Variants in PDE7A observed in about 807,000 individuals in gnomAD.
PDE7A encodes the protein high affinity 3',5'-cyclic-AMP phosphodiesterase 7A.
A neutral mutation model predicts 64.3 loss-of-function variants in PDE7A; 39 were observed. The observed-to-expected ratio is 0.61, with a 90% CI of 0.47 to 0.79. PDE7A has a LOEUF of 0.79. Among genes scored for constraint, PDE7A ranks in the 30% least tolerant of loss-of-function variants. The pLI is 0.00. For missense variants in PDE7A, 470 were observed against 582.8 expected, an observed-to-expected ratio of 0.81 and a Z score of 1.99; for synonymous variants, 203 against 206.8, an observed-to-expected ratio of 0.98 and a Z score of 0.16.
chr8:65,756,510 C>A (rs887175667), intron 3 of PDE7A, among the ~76,000 whole-genome samples: 1 of 152,048 alleles, frequency 6.6e-6, no homozygotes, highest in African/African-American at 2.4e-5. Flanking sequence ...TCCTTACTTC[C>A]CCCTGCTCAA....
intron 1 of PDE7A, among the ~76,000 whole-genome samples, chr8:65,825,065 G>A (rs552499215): frequency 1.3e-4 from 20 of 151,816 alleles, no homozygotes; most frequent in African/African-American, 4.8e-4. Flanking sequence ...AATTACATTA[G>A]GAAATGATTT....
intron 4 of PDE7A, among the ~76,000 whole-genome samples, chr8:65,745,793 T>C (rs1007850080): frequency 3.9e-5 from 6 of 152,232 alleles, no homozygotes; most frequent in African/African-American, 1.4e-4. Context: ...GTGGTTCAAA[T>C]GTTGTATGGT....
rs1192261537 is a variant in PDE7A, at chr8:65,715,476, C to CA, written c.*3813dup. On this transcript the variant is annotated 3_prime_UTR_variant, in exon 13 of 13. Coordinates refer to ENST00000401827, the MANE Select transcript of PDE7A (RefSeq NM_001242318.3). ...CCTTGCAACCTCCGCCACCTGGGTT[C>CA]AAGCAATTCTTCCGCCTCAGCCTCC... Among the ~76,000 whole-genome samples, 2 of 151,354 alleles carry CA rather than the reference C, an allele frequency of 1.3e-5. No individual in the cohort carries two copies. Among genetic ancestry groups the CA allele is most frequent in the Non-Finnish European group, 2.9e-5 (2 of 67,870 alleles).
chr8:65,735,201 C>T (rs754909799), intron 6 of PDE7A, among the ~76,000 whole-genome samples: 10 of 152,288 alleles, frequency 6.6e-5, no homozygotes, highest in African/African-American at 9.6e-5. Flanking sequence ...CAAAGGAAAG[C>T]GAGCCTACCT....
At chr8:65,803,995 T>C (rs1387346986) in intron 1 of PDE7A, among the ~76,000 whole-genome samples, 1 of 152,166 alleles carries the variant, frequency 6.6e-6, no homozygotes, top group Non-Finnish European at 1.5e-5. Flanking sequence ...CATCATTCAG[T>C]ATACCAACAT....
chr8:65,831,414 T>C (rs574765696), intron 1 of PDE7A, among the ~76,000 whole-genome samples: 2 of 152,268 alleles, frequency 1.3e-5, no homozygotes, highest in East Asian at 1.9e-4. Context: ...ACTAAAACAG[T>C]AGGAATACTT....
At chr8:65,776,904 A>G (rs1809275043) in intron 3 of PDE7A, among the ~76,000 whole-genome samples, 1 of 152,220 alleles carries the variant, frequency 6.6e-6, no homozygotes, top group African/African-American at 2.4e-5. Context: ...AATAGGAAAG[A>G]TGATGAAAGA....
chr8:65,798,206 A>ATATATATATATATATATATAT, intron 1 of PDE7A, among the ~76,000 whole-genome samples: 3 of 73,812 alleles, frequency 4.1e-5, no homozygotes, highest in African/African-American at 1.2e-4. Context: ...ATATATATAT[A>ATATATATATATATATATATAT]TTTTTTTTTT....
rs966078866 is a variant in PDE7A at position 65,719,107 on chromosome 8, G to C, written c.*183C>G. The C allele has an allele frequency of 5.0e-6, 3 of 597,228 alleles. No individual in the cohort carries two copies. The African/African-American group carries it at 5.6e-5, about 11-fold the overall frequency. 37.0% of individuals were successfully genotyped at this position (597,228 alleles called of 1,614,324 possible). A position where few individuals can be genotyped will look rare whatever the true frequency, so the allele number is the denominator to read the frequency against. On this transcript the variant is annotated 3_prime_UTR_variant, in exon 13 of 13. Transcript: ENST00000401827. ...CCAAATTCATATTGCTGTATGTTCG[G>C]GTCTTGCAATTAACAAGTGGGTTCA...
intron 1 of PDE7A, among the ~76,000 whole-genome samples, chr8:65,839,907 T>G (rs1811037838): frequency 6.6e-6 from 1 of 152,230 alleles, no homozygotes; most frequent in Admixed American, 6.5e-5. Flanking sequence ...ATTGTATAAA[T>G]AATCAGTGAT....
chr8:65,781,364 G>T (rs1178508056), intron 2 of PDE7A, among the ~76,000 whole-genome samples: 1 of 152,120 alleles, frequency 6.6e-6, no homozygotes, highest in Non-Finnish European at 1.5e-5. Context: ...AGAGGCAGTG[G>T]AGTCAGATCA....
Position 65,777,077 on chromosome 8 carries a change from CTT to C in PDE7A, c.283+2641_283+2642del, listed in dbSNP as rs56661178. On this transcript the variant is annotated intron_variant, in intron 3 of 12. Coordinates refer to ENST00000401827, the MANE Select transcript of PDE7A (RefSeq NM_001242318.3). ...AACAAATACTCAATTTTATCAAATG[CTT>C]TTTTTTTTTTTTTTTTTTTTGAGAC... Among the ~76,000 whole-genome samples the C allele has an allele frequency of 6.1e-3, 556 of 90,478 alleles. 5 individuals are homozygous for C. The highest frequency in any genetic ancestry group is 0.027 in the African/African-American group (505 of 18,406). 59.4% of individuals were successfully genotyped at this position (90,478 alleles called of 152,430 possible).
intron 1 of PDE7A, among the ~76,000 whole-genome samples, chr8:65,825,868 G>A (rs1233820535): frequency 3.3e-5 from 5 of 152,180 alleles, no homozygotes; most frequent in African/African-American, 9.7e-5. Flanking sequence ...GGGGTGAGGC[G>A]GAGATGAATG....
At chr8:65,798,733 G>A (rs1188456897) in intron 1 of PDE7A, among the ~76,000 whole-genome samples, 2 of 152,104 alleles carry the variant, frequency 1.3e-5, no homozygotes, top group Non-Finnish European at 1.5e-5. Flanking sequence ...TGTTATCAAG[G>A]ATGTGGAGCA....
intron 1 of PDE7A, among the ~76,000 whole-genome samples, chr8:65,796,642 A>G (rs1809851737): frequency 6.6e-6 from 1 of 152,098 alleles, no homozygotes. Flanking sequence ...ACAAAATTCA[A>G]TAGTCATTAT....
intron 5 of PDE7A, among the ~76,000 whole-genome samples, chr8:65,743,018 C>T (rs72666544): frequency 0.021 from 3,204 of 152,286 alleles, 55 homozygotes; most frequent in Non-Finnish European, 0.028. Flanking sequence ...ATCACCATGC[C>T]CCCAACTAGC....
At chr8:65,790,678 A>G (rs1809676042) in intron 1 of PDE7A, among the ~76,000 whole-genome samples, 1 of 152,236 alleles carries the variant, frequency 6.6e-6, no homozygotes, top group South Asian at 2.1e-4. Context: ...TTCTTAACAC[A>G]TGGCCATAAA....
intron 6 of PDE7A, among the ~76,000 whole-genome samples, chr8:65,736,790 GTTTTT>G (rs34814975): frequency 3.1e-5 from 4 of 128,820 alleles, no homozygotes; most frequent in Non-Finnish European, 6.4e-5. Flanking sequence ...AAATTTATCT[GTTTTT>G]TTTTTTTTTT....
chr8:65,793,784 TAAG>T (rs149003917), intron 1 of PDE7A, among the ~76,000 whole-genome samples: 8,674 of 152,292 alleles, frequency 0.057, 350 homozygotes, highest in Middle Eastern at 0.11. Flanking sequence ...TAAAATAACC[TAAG>T]AAGAAGTCTA....
Sources: gnomAD v4.1 joint callset for allele counts (sites outside exome capture counted in the v4.1 genomes callset) on GRCh38, gnomAD v4.1.1 for gene constraint, MANE v1.5 for transcripts, NCBI Gene and HGNC (gene_info 2026-07-23, HGNC 2026-07-21) for gene names.